CTNND2: variants seen among roughly 807,000 people sequenced by gnomAD.
CTNND2 encodes catenin delta 2, also known as catenin delta-2.
In CTNND2, 22 loss-of-function variants were observed where a neutral mutation model predicts 144.4. The ratio of observed to expected loss-of-function variants is 0.15; its 90% CI spans 0.11 to 0.22. The LOEUF (loss-of-function observed/expected upper bound fraction) is 0.22. CTNND2 is among the 10% of genes least tolerant of loss of function. The pLI is 1.00. For missense variants in CTNND2, 1,353 were observed against 1,618.8 expected (o/e 0.84, Z 2.82); for synonymous variants, 751 against 695.6 (o/e 1.08, Z -1.25).
chr5:11,250,593 T>C (rs1188739976), intron 9 of CTNND2, among the ~76,000 whole-genome samples: 1 of 150,058 alleles, frequency 6.7e-6, no homozygotes, highest in Non-Finnish European at 1.5e-5. Flanking sequence ...CGTAGCTCAC[T>C]GTAGCCTTGA....
At chr5:11,703,149 A>G (rs573326501) in intron 2 of CTNND2, among the ~76,000 whole-genome samples, 8 of 152,232 alleles carry the variant, frequency 5.3e-5, no homozygotes, top group Non-Finnish European at 1.0e-4. Context: ...GAGCTACCCA[A>G]CTGAAGTCAA....
intron 16 of CTNND2, among the ~76,000 whole-genome samples, chr5:11,074,496 A>G (rs1019805214): frequency 5.3e-5 from 8 of 152,180 alleles, no homozygotes; most frequent in African/African-American, 1.9e-4. Context: ...AGCTGCAGGG[A>G]TCTGTTCATT....
chr5:11,656,843 G>A (rs1167888883), intron 2 of CTNND2, among the ~76,000 whole-genome samples: 2 of 152,082 alleles, frequency 1.3e-5, no homozygotes, highest in African/African-American at 2.4e-5. Flanking sequence ...AAAGAAGACA[G>A]GCAGTGTCTT....
intron 8 of CTNND2, among the ~76,000 whole-genome samples, chr5:11,361,011 G>C (rs533955732): frequency 1.3e-5 from 2 of 152,244 alleles, no homozygotes; most frequent in East Asian, 3.9e-4. Context: ...GCCTACGTAT[G>C]AAAGTTTGTT....
At chr5:11,630,444 G>A (rs1334367625) in intron 2 of CTNND2, among the ~76,000 whole-genome samples, 1 of 152,104 alleles carries the variant, frequency 6.6e-6, no homozygotes, top group Non-Finnish European at 1.5e-5. Context: ...CCCAATTCTT[G>A]ACAGCACCTG....
chr5:11,323,083 G>A (rs986131720), intron 9 of CTNND2, among the ~76,000 whole-genome samples: 6 of 151,942 alleles, frequency 3.9e-5, no homozygotes, highest in South Asian at 2.1e-4. Context: ...GTCTTGCCCC[G>A]GCTTGAGTAC....
At chr5:11,132,085 T>C (rs1251881507) in intron 12 of CTNND2, among the ~76,000 whole-genome samples, 1 of 152,224 alleles carries the variant, frequency 6.6e-6, no homozygotes, top group Non-Finnish European at 1.5e-5. Context: ...GCATATACTC[T>C]CACATACTCT....
intron 2 of CTNND2, among the ~76,000 whole-genome samples, chr5:11,589,969 C>T (rs1779125192): frequency 6.6e-6 from 1 of 151,914 alleles, no homozygotes; most frequent in South Asian, 2.1e-4. Context: ...CACTAGTCTT[C>T]ATTTGAAAAG....
intron 18 of CTNND2, among the ~76,000 whole-genome samples, chr5:10,997,711 G>C (rs1451294432): frequency 2.6e-5 from 4 of 152,192 alleles, no homozygotes; most frequent in African/African-American, 4.8e-5. Context: ...TTGCAATGTA[G>C]AAGGTGTGCT....
chr5:11,507,501 A>G (rs1351857913), intron 3 of CTNND2, among the ~76,000 whole-genome samples: 1 of 152,182 alleles, frequency 6.6e-6, no homozygotes, highest in Non-Finnish European at 1.5e-5. Context: ...TCCGTTGCAT[A>G]AGGTTGGTAC....
At chr5:11,192,645 G>A (rs1393708084) in intron 11 of CTNND2, among the ~76,000 whole-genome samples, 2 of 152,150 alleles carry the variant, frequency 1.3e-5, no homozygotes, top group Non-Finnish European at 2.9e-5. Flanking sequence ...GTGGAAAGGG[G>A]TCATGAGCCA....
intron 2 of CTNND2, among the ~76,000 whole-genome samples, chr5:11,593,511 G>A (rs981887869): frequency 3.9e-5 from 6 of 152,126 alleles, no homozygotes; most frequent in South Asian, 2.1e-4. Flanking sequence ...TGTAGCTCCC[G>A]TAATTCCCAG....
intron 3 of CTNND2, among the ~76,000 whole-genome samples, chr5:11,507,728 G>C (rs1401048015): frequency 6.6e-6 from 1 of 152,176 alleles, no homozygotes; most frequent in Non-Finnish European, 1.5e-5. Context: ...CCACAGCCTG[G>C]AGTTGGAGGA....
At chr5:11,344,033 G>A (rs185528192) in intron 9 of CTNND2, among the ~76,000 whole-genome samples, 191 of 152,252 alleles carry the variant, frequency 1.3e-3, no homozygotes, top group African/African-American at 4.4e-3. Flanking sequence ...ATATTTAAGG[G>A]AAAATGCAAA....
At chr5:11,346,774 A>G in intron 8 of CTNND2, 147 bp from the exon 9 acceptor site, 1 of 743,494 alleles carries the variant, frequency 1.3e-6, no homozygotes, top group Non-Finnish European at 2.0e-6. Flanking sequence ...TCATATTTGA[A>G]CCAATACATT....
intron 2 of CTNND2, among the ~76,000 whole-genome samples, chr5:11,675,217 A>C (rs994352115): frequency 6.6e-6 from 1 of 152,250 alleles, no homozygotes; most frequent in Admixed American, 6.5e-5. Flanking sequence ...TTAAATGGGA[A>C]ATAAGCCAAT....
At chr5:11,352,040 T>C (rs1755382947) in intron 8 of CTNND2, among the ~76,000 whole-genome samples, 1 of 152,216 alleles carries the variant, frequency 6.6e-6, no homozygotes, top group African/African-American at 2.4e-5. Flanking sequence ...CAATTTTCTG[T>C]ACTCAGCACA....
intron 16 of CTNND2, among the ~76,000 whole-genome samples, chr5:11,051,558 A>C (rs1328793724): frequency 1.3e-5 from 2 of 152,254 alleles, no homozygotes; most frequent in African/African-American, 2.4e-5. Flanking sequence ...GTTTGAGACT[A>C]ATAAAGAAGT....
chr5:11,607,313 C>A (rs529563333), intron 2 of CTNND2, among the ~76,000 whole-genome samples: 108 of 152,108 alleles, frequency 7.1e-4, no homozygotes, highest in Non-Finnish European at 1.3e-3. Flanking sequence ...GCACATAATA[C>A]TGTGAAGTCG....
Sources: gnomAD v4.1 joint callset for allele counts (sites outside exome capture counted in the v4.1 genomes callset) on GRCh38, gnomAD v4.1.1 for gene constraint, MANE v1.5 for transcripts, NCBI Gene and HGNC (gene_info 2026-07-23, HGNC 2026-07-21) for gene names.